The following WWP2 variants were observed in gnomAD, a reference collection of about 807,000 sequenced individuals.
WWP2 encodes WW domain containing E3 ubiquitin protein ligase 2.
WWP2 carries 57 observed loss-of-function variants against 121.0 expected under a neutral mutation model. The ratio of observed to expected loss-of-function variants is 0.47; its 90% confidence interval spans 0.38 to 0.59. WWP2 has a LOEUF of 0.59. Ranked by LOEUF, WWP2 falls within the 20% of genes least tolerant of loss-of-function variation. The pLI is 0.00. For missense variants in WWP2, 962 were observed against 1,158.9 expected, an observed-to-expected ratio of 0.83 and a Z score of 2.47; for synonymous variants, 449 against 441.3, an observed-to-expected ratio of 1.02 and a Z score of -0.22.
intron 4 of WWP2, among the ~76,000 whole-genome samples, chr16:69,804,431 C>T (rs1438217871): frequency 6.6e-6 from 1 of 152,102 alleles, no homozygotes; most frequent in African/African-American, 2.4e-5. Flanking sequence ...ATTGGTTTAG[C>T]ACTACTTATT....
At chr16:69,796,444 G>T (rs1377297433) in intron 2 of WWP2, among the ~76,000 whole-genome samples, 1 of 152,214 alleles carries the variant, frequency 6.6e-6, no homozygotes, top group Non-Finnish European at 1.5e-5. Context: ...TGGTGAAGGG[G>T]TACACGGCAG....
chr16:69,860,698 G>A lies in WWP2; in HGVS notation c.576-11106G>A, dbSNP rs143507264. On this transcript the variant is annotated intron_variant, in intron 6 of 23. Transcript: ENST00000359154. The stretch of plus-strand genomic sequence containing the variant: ...CTGCTGAATTCCTGCCTTGTGATTT[G>A]TCGTGTCAGAACACTTAGAAATAAT... 1.2e-4 allele frequency among the ~76,000 whole-genome samples: 19 copies of A among 152,168 alleles called. No homozygotes were observed. In the East Asian group the frequency reaches 3.7e-3, roughly 29 times the overall value.
intron 4 of WWP2, among the ~76,000 whole-genome samples, chr16:69,825,565 T>C (rs2056671504): frequency 6.6e-6 from 1 of 152,026 alleles, no homozygotes; most frequent in South Asian, 2.1e-4. Flanking sequence ...TATTTTTTAT[T>C]TTGAAAGCTA....
chr16:69,788,323 CAG>C (rs968774508), intron 2 of WWP2: 1 of 152,020 alleles, frequency 6.6e-6, no homozygotes, highest in African/African-American at 2.4e-5. Flanking sequence ...GACCATGTCT[CAG>C]AAAAAAAAAT....
At chr16:69,864,272 G>T (rs2057479045) in intron 6 of WWP2, among the ~76,000 whole-genome samples, 1 of 152,102 alleles carries the variant, frequency 6.6e-6, no homozygotes, top group South Asian at 2.1e-4. Flanking sequence ...GGAGGTTGGG[G>T]TGGGAGGATT....
Position 69,840,263 on chromosome 16 carries a change from G to A in WWP2, c.478G>A (p.Gly160Arg). The A allele has an allele frequency of 6.2e-7, 1 of 1,614,034 alleles. No individual in the cohort carries two copies. Reference sequence around the variant, plus strand: ...GCCTAATGGCAGTGCCCTGACAGATGGTGAGTGCCGCCCTGCTCCTCAGGA... The same window carrying A: ...GCCTAATGGCAGTGCCCTGACAGATAGTGAGTGCCGCCCTGCTCCTCAGGA... The part of the protein sequence containing the change: ...NVPNGSALTD[G>R]SQLPSRDSSG... The change falls in exon 5 of 24, where the codon GGA becomes AGA. Residue 160 changes from glycine (G) to arginine (R), a missense_variant and splice_region_variant. Around this residue, in one of 3 missense-constraint regions of WWP2, gnomAD observed 211 missense variants for 196.5 expected, o/e 1.07. Transcript: ENST00000359154.
Position 69,931,969 on chromosome 16 carries a change from C to T in WWP2, c.1682+79C>T. The T allele has an allele frequency of 4.5e-6, 6 of 1,340,514 alleles. No homozygotes were observed. The East Asian group carries it at 6.9e-5, about 15-fold the overall frequency. 83.0% of individuals were successfully genotyped at this position (1,340,514 alleles called of 1,614,324 possible). ...GCATCAATGGCCAGAAAGCTGCCTG[C>T]CCCCTGCTCACATTCCCTCCCAAAG... On this transcript the variant is annotated intron_variant, in intron 16 of 23. Transcript: ENST00000359154.
intron 8 of WWP2, among the ~76,000 whole-genome samples, chr16:69,899,128 G>A (rs924675016): frequency 6.6e-6 from 1 of 152,224 alleles, no homozygotes; most frequent in Admixed American, 6.5e-5. Flanking sequence ...TTGTACAAGA[G>A]TTAATAATTT....
At chr16:69,816,163 G>A (rs921974326) in intron 4 of WWP2, among the ~76,000 whole-genome samples, 1 of 152,020 alleles carries the variant, frequency 6.6e-6, no homozygotes, top group African/African-American at 2.4e-5. Flanking sequence ...CTTGTGGAAT[G>A]ATTACAATAA....
rs2058860026 is a variant in WWP2 at position 69,940,098 on chromosome 16, A to G, written c.*158A>G. ...GCTGCTGGCAGAAAAGCCTGATCCCAGGAGGCCCTGCAGTTCCCCCGACCC... is the reference window on the plus strand; with the variant it reads ...GCTGCTGGCAGAAAAGCCTGATCCCGGGAGGCCCTGCAGTTCCCCCGACCC... On this transcript the variant is annotated 3_prime_UTR_variant, in exon 24 of 24. Transcript: ENST00000359154. The G allele has an allele frequency of 1.6e-6, 1 of 639,840 alleles. No individual in the cohort carries two copies. Among genetic ancestry groups the G allele is most frequent in the Non-Finnish European group, 2.7e-6 (1 of 374,424 alleles). The allele number at this position is 639,840 out of a possible 1,614,324, so 39.6% of individuals were successfully genotyped here. A position where few individuals can be genotyped will look rare whatever the true frequency, so the allele number is the denominator to read the frequency against.
chr16:69,914,618 A>C (rs1264082252), intron 9 of WWP2, among the ~76,000 whole-genome samples: 1 of 152,174 alleles, frequency 6.6e-6, no homozygotes, highest in South Asian at 2.1e-4. Context: ...TTGGCCCCGC[A>C]TGGTGGTGCG....
At chr16:69,825,452 A>T (rs1389117015) in intron 4 of WWP2, among the ~76,000 whole-genome samples, 1 of 151,668 alleles carries the variant, frequency 6.6e-6, no homozygotes, top group Non-Finnish European at 1.5e-5. Context: ...AAAACCAAAA[A>T]ACTAAAGTGG....
chr16:69,785,967 C>T (rs77200685), intron 1 of WWP2: 28 of 150,922 alleles, frequency 1.9e-4, no homozygotes, highest in African/African-American at 6.8e-4. Flanking sequence ...TTCTTTTTCT[C>T]TTTCCTTTTT....
At position 69,854,936 on chromosome 16, in the gene WWP2, G is replaced by A. The variant is rs370303463; in HGVS notation, c.575+12816G>A. 5.3e-5 allele frequency among the ~76,000 whole-genome samples: 8 copies of A among 152,232 alleles called. No homozygotes were observed. The South Asian group carries it at 1.0e-3, about 20-fold the overall frequency. Reference sequence around the variant, plus strand: ...AGTGGTGCAATCAAGGCCCACTGCAGCCTCAACCTCCAAGGCTCAAGTGAT... The same window carrying A: ...AGTGGTGCAATCAAGGCCCACTGCAACCTCAACCTCCAAGGCTCAAGTGAT... On this transcript the variant is annotated intron_variant, in intron 6 of 23. Transcript: ENST00000359154.
intron 2 of WWP2, among the ~76,000 whole-genome samples, chr16:69,791,210 T>TA (rs1273472848): frequency 1.3e-5 from 2 of 151,414 alleles, no homozygotes; most frequent in Admixed American, 1.3e-4. Context: ...CACGCACACT[T>TA]ACTTCTTTTC....
intron 8 of WWP2, among the ~76,000 whole-genome samples, chr16:69,889,603 G>A (rs1041094377): frequency 2.6e-5 from 4 of 152,180 alleles, no homozygotes; most frequent in Non-Finnish European, 5.9e-5. Flanking sequence ...ATTGGTGGGT[G>A]TTACACCTGG....
intron 4 of WWP2, chr16:69,828,074 T>C: frequency 2.8e-6 from 1 of 362,182 alleles, no homozygotes; most frequent in Non-Finnish European, 5.4e-6. Flanking sequence ...ATGTACTTTT[T>C]TTTTTAAGTA....
chr16:69,821,728 T>TC, intron 4 of WWP2, among the ~76,000 whole-genome samples: 1 of 140,996 alleles, frequency 7.1e-6, no homozygotes, highest in East Asian at 2.0e-4. Context: ...TTCTTACTTT[T>TC]TTTTTTTTTT....
intron 10 of WWP2, among the ~76,000 whole-genome samples, chr16:69,923,910 C>G (rs2058600526): frequency 6.6e-6 from 1 of 151,870 alleles, no homozygotes; most frequent in Admixed American, 6.6e-5. Context: ...CCCCCAACCC[C>G]CCAACACACA....
Sources: gnomAD v4.1 joint callset for allele counts (sites outside exome capture counted in the v4.1 genomes callset) on GRCh38, gnomAD v4.1.1 for gene constraint, gnomAD v4.1.1 regional missense constraint, MANE v1.5 for transcripts, NCBI Gene and HGNC (gene_info 2026-07-23, HGNC 2026-07-21) for gene names.